Variants in ERICH1 observed in about 807,000 individuals in gnomAD.
The protein encoded by ERICH1 is glutamate-rich protein 1.
A neutral mutation model predicts 39.6 loss-of-function variants in ERICH1; 56 were observed. The observed-to-expected ratio is 1.41, with a 90% CI of 1.14 to 1.77. The LOEUF (loss-of-function observed/expected upper bound fraction) is 1.77. Among genes scored for constraint, ERICH1 ranks in the 40% most tolerant of loss-of-function variants. ERICH1 has a pLI of 0.00. For synonymous variants in ERICH1, 313 were observed against 223.6 expected (o/e 1.40, Z -3.57); for missense variants, 826 against 575.4 (o/e 1.44, Z -4.45).
chr8:681,426 T>A (rs1806092049), intron 3 of ERICH1, among the ~76,000 whole-genome samples: 1 of 152,236 alleles, frequency 6.6e-6, no homozygotes, highest in Non-Finnish European at 1.5e-5. Context: ...ATTTGGCAAC[T>A]GAGAGAAAAA....
chr8:634,900 C>T (rs536227214), intron 3 of ERICH1, among the ~76,000 whole-genome samples: 1 of 152,282 alleles, frequency 6.6e-6, no homozygotes, highest in South Asian at 2.1e-4. Context: ...AACAGGGCAG[C>T]GTCCCGCAAG....
downstream of ERICH1, among the ~76,000 whole-genome samples, chr8:661,204 C>T (rs1035219903): frequency 4.2e-4 from 63 of 151,362 alleles, no homozygotes; most frequent in African/African-American, 1.1e-3. Context: ...TGAAGAGCCC[C>T]GGGATGAGAG....
chr8:724,541 G>C (rs1043557742), intron 1 of ERICH1, among the ~76,000 whole-genome samples: 19 of 152,116 alleles, frequency 1.2e-4, no homozygotes, highest in Non-Finnish European at 2.4e-4. Context: ...CGGGACCTCA[G>C]AGCAGCCCAC....
intron 3 of ERICH1, among the ~76,000 whole-genome samples, chr8:649,443 T>C (rs924604429): frequency 6.6e-6 from 1 of 152,256 alleles, no homozygotes; most frequent in Non-Finnish European, 1.5e-5. Flanking sequence ...TTTTATTCTA[T>C]GCTGTCCTCA....
At chr8:656,624 C>A in intron 3 of ERICH1, 1 of 486,458 alleles carries the variant, frequency 2.1e-6, no homozygotes, top group African/African-American at 2.1e-5. Context: ...GGGCTTGCCC[C>A]TGGGACCCTG....
chr8:654,036 T>A (rs1800306413), intron 3 of ERICH1, among the ~76,000 whole-genome samples: 1 of 152,130 alleles, frequency 6.6e-6, no homozygotes, highest in Non-Finnish European at 1.5e-5. Context: ...GGCTGCCAGG[T>A]GCAGGGAGGG....
intron 3 of ERICH1, among the ~76,000 whole-genome samples, chr8:635,122 C>A (rs982631643): frequency 1.3e-5 from 2 of 151,928 alleles, no homozygotes; most frequent in African/African-American, 2.4e-5. Context: ...AGCACCTCAC[C>A]AGGAGTGGGC....
intron 3 of ERICH1, among the ~76,000 whole-genome samples, chr8:638,198 T>G (rs941591074): frequency 6.6e-6 from 1 of 152,238 alleles, no homozygotes; most frequent in African/African-American, 2.4e-5. Flanking sequence ...GCCCTTGCCT[T>G]GGCGTTTCTT....
At chr8:687,265 G>A (rs957639455) in intron 3 of ERICH1, among the ~76,000 whole-genome samples, 16 of 152,160 alleles carry the variant, frequency 1.1e-4, no homozygotes, top group Non-Finnish European at 2.9e-5. Flanking sequence ...GCCTCACACC[G>A]CTTGTGATTA....
At chr8:677,637 T>C (rs1263178098) in intron 3 of ERICH1, among the ~76,000 whole-genome samples, 1 of 152,190 alleles carries the variant, frequency 6.6e-6, no homozygotes, top group East Asian at 1.9e-4. Flanking sequence ...CACTGATGTT[T>C]AAAACCAACC....
chr8:627,575 AGAAGATGGCTCTCCAGCC>A (rs1337302486), intron 3 of ERICH1, among the ~76,000 whole-genome samples: 3 of 152,218 alleles, frequency 2.0e-5, no homozygotes, highest in Non-Finnish European at 2.9e-5. Context: ...CCAGGGGGTA[AGAAGATGGCTCTCCAGCC>A]GCAGGCCAAG....
chr8:724,826 A>C (rs946582776), intron 1 of ERICH1, among the ~76,000 whole-genome samples: 2 of 152,166 alleles, frequency 1.3e-5, no homozygotes, highest in African/African-American at 2.4e-5. Flanking sequence ...ACGCTCACTG[A>C]GGAACGCTAT....
chr8:693,365 T>C (rs1257814331), intron 2 of ERICH1, among the ~76,000 whole-genome samples: 2 of 152,264 alleles, frequency 1.3e-5, no homozygotes, highest in Admixed American at 1.3e-4. Context: ...GTGAATACAG[T>C]GTGTTAAAAT....
intron 3 of ERICH1, among the ~76,000 whole-genome samples, chr8:628,153 G>A (rs1337194143): frequency 6.6e-6 from 1 of 152,178 alleles, no homozygotes; most frequent in Non-Finnish European, 1.5e-5. Context: ...CTTTATAGAT[G>A]GTTGATTATG....
At chr8:643,562 C>A (rs1261327725) in intron 3 of ERICH1, among the ~76,000 whole-genome samples, 1 of 152,140 alleles carries the variant, frequency 6.6e-6, no homozygotes, top group Non-Finnish European at 1.5e-5. Flanking sequence ...TGGGCCCTGG[C>A]AGCTCCCCCT....
chr8:635,835 C>G (rs1015575815), intron 3 of ERICH1, among the ~76,000 whole-genome samples: 3 of 152,232 alleles, frequency 2.0e-5, no homozygotes, highest in African/African-American at 7.2e-5. Context: ...GGTTGGCTCA[C>G]CAAAGTTTGT....
At chr8:653,117 C>T (rs28547427) in intron 3 of ERICH1, among the ~76,000 whole-genome samples, 74,947 of 152,062 alleles carry the variant, frequency 0.49, 18,736 homozygotes, top group Non-Finnish European at 0.55. Context: ...AACCCCCAAA[C>T]TGAAAGCTGG....
chr8:682,642 C>G (rs1335701316), intron 3 of ERICH1, among the ~76,000 whole-genome samples: 1 of 152,208 alleles, frequency 6.6e-6, no homozygotes, highest in African/African-American at 2.4e-5. Flanking sequence ...CTGCCATCCC[C>G]AAAACACACC....
Position 615,286 on chromosome 8 carries a change from T to C in ERICH1, c.977-2A>G. On this transcript the variant is annotated splice_acceptor_variant, in intron 3 of 3. Coordinates refer to the ERICH1 transcript ENST00000522706. LOFTEE classifies it high-confidence loss of function. Reference sequence around the variant, plus strand: ...TGGCTTTAAGTCTGCTTAGGACTCCTGGAAAATCAGGTTAAGGGAGATCAG... The same window carrying C: ...TGGCTTTAAGTCTGCTTAGGACTCCCGGAAAATCAGGTTAAGGGAGATCAG... 1 of 692,908 alleles carries C rather than the reference T, an allele frequency of 1.4e-6. No homozygotes were observed. 42.9% of individuals were successfully genotyped at this position (692,908 alleles called of 1,614,324 possible).
Sources: gnomAD v4.1 joint callset for allele counts (sites outside exome capture counted in the v4.1 genomes callset) on GRCh38, gnomAD v4.1.1 for gene constraint, MANE v1.5 for transcripts, NCBI Gene and HGNC (gene_info 2026-07-23, HGNC 2026-07-21) for gene names.